Variants in ZPBP observed in about 807,000 individuals in gnomAD.
ZPBP encodes the protein zona pellucida binding protein.
In ZPBP, 26 loss-of-function variants were observed where a neutral mutation model predicts 44.8. That is an observed-to-expected ratio of 0.58 (90% CI 0.43 to 0.81). The LOEUF is 0.81. Among genes scored for constraint, ZPBP ranks in the 30% least tolerant of loss-of-function variants. The probability of loss-of-function intolerance (pLI) is 0.00; values close to 1 mark genes in which losing one functional copy is unlikely to be tolerated. For synonymous variants in ZPBP, 174 were observed against 153.2 expected (o/e 1.14, Z -1.00); for missense variants, 409 against 434.0 (o/e 0.94, Z 0.51).
downstream of ZPBP, among the ~76,000 whole-genome samples, chr7:49,932,787 G>A (rs776281915): frequency 2.0e-5 from 3 of 152,126 alleles, no homozygotes; most frequent in Non-Finnish European, 2.9e-5. Context: ...CACATATCAA[G>A]GGTGGGGCCA....
downstream of ZPBP, among the ~76,000 whole-genome samples, chr7:49,845,659 TCGGTG>T (rs1192811833): frequency 3.2e-3 from 494 of 152,304 alleles, 6 homozygotes; most frequent in African/African-American, 0.011. Flanking sequence ...ATACCAACCT[TCGGTG>T]ATACTTCAGA....
intron 6 of ZPBP, among the ~76,000 whole-genome samples, chr7:50,003,558 T>C (rs1381787930): frequency 1.3e-5 from 2 of 152,180 alleles, no homozygotes; most frequent in Admixed American, 1.3e-4. Context: ...CTTGAGAGAC[T>C]AATTTCTGTC....
chr7:49,922,502 T>C (rs575991403), intron 1 of ZPBP, among the ~76,000 whole-genome samples: 3 of 152,304 alleles, frequency 2.0e-5, no homozygotes, highest in South Asian at 2.1e-4. Flanking sequence ...CTGGGCAGAA[T>C]AGACAGTTCT....
intron 4 of ZPBP, among the ~76,000 whole-genome samples, chr7:50,040,962 C>T (rs956715031): frequency 6.6e-6 from 1 of 152,160 alleles, no homozygotes; most frequent in Admixed American, 6.5e-5. Flanking sequence ...GATGCTCAAG[C>T]TTGGTGGGGG....
At chr7:49,873,188 A>G (rs566019637) in intron 2 of ZPBP, among the ~76,000 whole-genome samples, 1 of 152,342 alleles carries the variant, frequency 6.6e-6, no homozygotes, top group African/African-American at 2.4e-5. Context: ...TCGGGCTGCT[A>G]TAACAAAATA....
downstream of ZPBP, among the ~76,000 whole-genome samples, chr7:49,849,120 T>G (rs1790074115): frequency 6.6e-6 from 1 of 152,150 alleles, no homozygotes; most frequent in Admixed American, 6.5e-5. Context: ...TTTCTCAGAG[T>G]TTGACTTACA....
At chr7:49,979,917 T>A (rs1436101331) in intron 7 of ZPBP, among the ~76,000 whole-genome samples, 1 of 119,490 alleles carries the variant, frequency 8.4e-6, no homozygotes, top group Non-Finnish European at 1.6e-5. Context: ...GTGTTCTGGA[T>A]ATATATCATA....
intron 2 of ZPBP, among the ~76,000 whole-genome samples, chr7:49,878,643 T>A (rs1156552157): frequency 6.6e-6 from 1 of 152,164 alleles, no homozygotes; most frequent in Non-Finnish European, 1.5e-5. Flanking sequence ...TATTATTAGT[T>A]TTTATTTTTC....
intron 4 of ZPBP, among the ~76,000 whole-genome samples, chr7:50,049,813 C>A (rs1800594182): frequency 6.6e-6 from 1 of 151,528 alleles, no homozygotes; most frequent in African/African-American, 2.4e-5. Flanking sequence ...AAGTCCTAGG[C>A]TCCTCAATAA....
intron 2 of ZPBP, among the ~76,000 whole-genome samples, chr7:49,867,282 A>AT (rs796796960): frequency 1.1e-4 from 17 of 152,270 alleles, no homozygotes; most frequent in African/African-American, 4.1e-4. Flanking sequence ...ATACTTAAAG[A>AT]TTTTTTCATT....
intron 3 of ZPBP, among the ~76,000 whole-genome samples, chr7:50,078,857 A>C (rs1334987332): frequency 6.6e-5 from 10 of 151,548 alleles, no homozygotes; most frequent in Non-Finnish European, 1.5e-4. Flanking sequence ...ACTTAACAAA[A>C]CAAACAAAAA....
chr7:49,908,181 T>G (rs1449685919), intron 1 of ZPBP, among the ~76,000 whole-genome samples: 1 of 152,256 alleles, frequency 6.6e-6, no homozygotes, highest in African/African-American at 2.4e-5. Flanking sequence ...AAGTCTGTTT[T>G]GTCAGTTTTA....
At chr7:49,897,829 G>C (rs1792465545) in intron 2 of ZPBP, among the ~76,000 whole-genome samples, 1 of 152,182 alleles carries the variant, frequency 6.6e-6, no homozygotes, top group African/African-American at 2.4e-5. Flanking sequence ...TCAGTCATAG[G>C]GTCACAGTTC....
At chr7:49,889,628 T>A (rs1240791767) in intron 2 of ZPBP, among the ~76,000 whole-genome samples, 2 of 152,200 alleles carry the variant, frequency 1.3e-5, no homozygotes, top group Admixed American at 6.5e-5. Flanking sequence ...ACAATGGCCA[T>A]CCATGCAGAC....
intron 2 of ZPBP, among the ~76,000 whole-genome samples, chr7:49,851,149 T>C (rs1274777250): frequency 1.3e-5 from 2 of 152,212 alleles, no homozygotes; most frequent in African/African-American, 4.8e-5. Context: ...TCCTGGGTTT[T>C]AGAGGCTTCA....
chr7:50,034,138 G>A (rs910428013), intron 4 of ZPBP, among the ~76,000 whole-genome samples: 2 of 151,704 alleles, frequency 1.3e-5, no homozygotes, highest in Non-Finnish European at 2.9e-5. Context: ...AAAAACTATA[G>A]TGTGCCTGTT....
intron 7 of ZPBP, among the ~76,000 whole-genome samples, chr7:49,961,700 A>G (rs1348794001): frequency 5.3e-5 from 8 of 152,102 alleles, no homozygotes; most frequent in Admixed American, 5.2e-4. Context: ...ATTATTCGTG[A>G]TCCCAATAAG....
At chr7:49,984,298 T>C (rs1797151586) in intron 6 of ZPBP, among the ~76,000 whole-genome samples, 1 of 152,204 alleles carries the variant, frequency 6.6e-6, no homozygotes, top group Admixed American at 6.5e-5. Flanking sequence ...CCATTACAAT[T>C]TCTATAATGT....
At chr7:50,080,352 T>C (rs1428190730) in intron 3 of ZPBP, among the ~76,000 whole-genome samples, 2 of 151,842 alleles carry the variant, frequency 1.3e-5, no homozygotes, top group Middle Eastern at 3.4e-3. Context: ...TAAAAACCAA[T>C]GTAGTAACAG....
Sources: allele counts gnomAD v4.1 joint callset (sites outside exome capture counted in the v4.1 genomes callset), GRCh38; gene constraint gnomAD v4.1.1; transcripts MANE v1.5; gene names NCBI Gene and HGNC (gene_info 2026-07-23, HGNC 2026-07-21).